Variants in WDR90 observed in about 807,000 individuals in gnomAD.
The protein encoded by WDR90 is WD repeat-containing protein 90.
Under a neutral mutation model 195.2 loss-of-function variants are expected in WDR90, and 238 were observed. The ratio of observed to expected loss-of-function variants is 1.22; its 90% CI spans 1.10 to 1.36. The LOEUF is 1.36. Among genes scored for constraint, WDR90 ranks in the 40% most tolerant of loss-of-function variants. WDR90 has a pLI of 0.00. For synonymous variants in WDR90, 1,265 were observed against 1,052.4 expected (o/e 1.20, Z -3.91); for missense variants, 2,734 against 2,439.5 (o/e 1.12, Z -2.54).
chr16:661,010 CCCCCCG>C lies in WDR90; in HGVS notation c.3392-40_3392-35del, dbSNP rs1567220674. The C allele has an allele frequency of 3.5e-3, 448 of 126,712 alleles. 46 individuals carry two copies. Among genetic ancestry groups the C allele is most frequent in the East Asian group, 0.02 (15 of 746 alleles). The allele number at this position is 126,712 out of a possible 1,614,324, so 7.8% of individuals were successfully genotyped here. A position where few individuals can be genotyped will look rare whatever the true frequency, so the allele number is the denominator to read the frequency against. On this transcript the variant is annotated intron_variant, in intron 28 of 40. Transcript: ENST00000293879. Reference sequence around the variant, plus strand: ...CCCAGGCCCCTCCCCGCCCCCCCCCCCCCCCGGCCCGGCCTCAGGCCCCGCCCTCTC... The same window carrying C: ...CCCAGGCCCCTCCCCGCCCCCCCCCCGCCCGGCCTCAGGCCCCGCCCTCTC...
chr16:665,576 C>G (rs1256861414), intron 34 of WDR90, 103 bp from the exon 35 acceptor site: 2 of 1,584,568 alleles, frequency 1.3e-6, no homozygotes, highest in Non-Finnish European at 1.7e-6. Flanking sequence ...GGCACATGCT[C>G]TGGTTTGGAC....
rs1171706925 is a variant in WDR90, at chr16:665,798, C to T, written c.4431C>T (p.Asn1477=). The T allele has an allele frequency of 1.3e-6, 2 of 1,586,874 alleles. No individual in the cohort carries two copies. The highest frequency in any genetic ancestry group is 2.3e-5 in the South Asian group (2 of 88,240). ...MELVIQFQVL[N]QSCLCLAWSP... is the part of the protein sequence containing the mutation. Reference sequence around the variant, plus strand: ...TTGTGATCCAGTTCCAGGTGCTGAACCAGGTGTGTGGGGAGTGCCCGGGCC... The same window carrying T: ...TTGTGATCCAGTTCCAGGTGCTGAATCAGGTGTGTGGGGAGTGCCCGGGCC... The change falls in exon 35 of 41, where the codon AAC becomes AAT. Residue 1477 remains asparagine, a synonymous_variant. Coordinates refer to ENST00000293879, the MANE Select transcript of WDR90 (RefSeq NM_145294.5).
At position 661,764 on chromosome 16, in the gene WDR90, C is replaced by T. The variant is rs529912139; in HGVS notation, c.3841C>T (p.Arg1281Cys). The T allele has an allele frequency of 4.4e-6, 7 of 1,605,586 alleles. No homozygotes were observed. The highest frequency in any genetic ancestry group is 2.2e-5 in the East Asian group (1 of 44,798). The stretch of plus-strand genomic sequence containing the variant: ...TGTCACCTTCTGGCTCCTTCAGCAG[C>T]GTGGGGCAGACATCAGCCTTCAGGT... ...GTVTFWLLQQ[R>C]GADISLQVRR... The change falls in exon 31 of 41, where the codon CGT becomes TGT. Residue 1281 changes from arginine (R) to cysteine (C), a missense_variant. Coordinates refer to ENST00000293879, the MANE Select transcript of WDR90 (RefSeq NM_145294.5).
chr16:655,076 G>T lies in WDR90; in HGVS notation c.1485G>T (p.Val495=). The T allele has an allele frequency of 1.2e-6, 2 of 1,612,770 alleles. No individual in the cohort carries two copies. The highest frequency in any genetic ancestry group is 1.7e-6 in the Non-Finnish European group (2 of 1,179,868). Residue 495 remains valine, a synonymous_variant, in exon 14 of 41, where the codon GTG becomes GTT. Coordinates refer to ENST00000293879, the MANE Select transcript of WDR90 (RefSeq NM_145294.5). ...GTGQVGLGGE[V]VVLAKAHTDF... ...GCCAGGTGGGCCTCGGTGGCGAGGT[G>T]GTCGTTCTGGCAAAGGCGCACACTG...
At position 650,806 on chromosome 16, in the gene WDR90, G is replaced by A. The variant is rs931753773; in HGVS notation, c.559+97G>A. ...GGGTGCTTGGGAAAATACAGTGCTCGAGCTGTGCTGTCTCTGAGCTCTGGC... is the reference window on the plus strand; with the variant it reads ...GGGTGCTTGGGAAAATACAGTGCTCAAGCTGTGCTGTCTCTGAGCTCTGGC... On this transcript the variant is annotated intron_variant, in intron 5 of 40. Coordinates refer to ENST00000293879, the MANE Select transcript of WDR90 (RefSeq NM_145294.5). 2.6e-5 allele frequency: 39 copies of A among 1,522,086 alleles called. No individual in the cohort carries two copies. The African/African-American group carries it at 3.4e-4, about 13-fold the overall frequency. 94.3% of individuals were successfully genotyped at this position (1,522,086 alleles called of 1,614,324 possible). A position where few individuals can be genotyped will look rare whatever the true frequency, so the allele number is the denominator to read the frequency against.
At position 658,192 on chromosome 16, in the gene WDR90, G is replaced by T. The variant is rs781050249; in HGVS notation, c.2614G>T (p.Val872Phe). Residue 872 changes from valine (V) to phenylalanine (F), a missense_variant, in exon 22 of 41, where the codon GTT (valine) becomes TTT (phenylalanine). Val to Phe is a conservative substitution (Grantham distance 50, BLOSUM62 -1). Coordinates refer to ENST00000293879, the MANE Select transcript of WDR90 (RefSeq NM_145294.5). ...GSASLDELLR[V>F]DIGTLDLASS... ...TTACCACTACCCCCAGCTGCTGCGA[G>T]TTGACATCGGCACTCTGGACCTGGC... 1.2e-6 allele frequency: 2 copies of T among 1,608,730 alleles called. No individual in the cohort carries two copies. Among genetic ancestry groups the T allele is most frequent in the African/African-American group, 2.7e-5 (2 of 74,856 alleles).
rs1378571129 is a variant in WDR90, at chr16:665,991, C to T, written c.4476C>T (p.Arg1492=). 2.5e-6 allele frequency: 4 copies of T among 1,603,160 alleles called. No individual in the cohort carries two copies. Among genetic ancestry groups the T allele is most frequent in the African/African-American group, 1.3e-5 (1 of 74,930 alleles). ...CLAWSPPCCG[R]PEQQRLAAGY... ...CATGGAGCCCCCCGTGCTGTGGCCG[C>T]CCTGAGCAGCAGCGGCTAGCGGCTG... is the stretch of plus-strand genomic sequence containing the variant. Residue 1492 remains arginine (R), a synonymous_variant, in exon 36 of 41, where the codon CGC becomes CGT. Coordinates refer to ENST00000293879, the MANE Select transcript of WDR90 (RefSeq NM_145294.5).
In WDR90 at chr16:650,063, A is replaced by G; in HGVS notation, c.175A>G (p.Lys59Glu). ...TGCCGCCAACTACATCCAGCTCCCT[A>G]AGAGCAGCACCCAGTCTCTGGGGCT... is the stretch of plus-strand genomic sequence containing the variant. Reference protein sequence around the residue: ...VSAANYIQLPKSSTQSLGLTG... With the variant: ...VSAANYIQLPESSTQSLGLTG... The change falls in exon 3 of 41, where the codon AAG (lysine) becomes GAG (glutamate). Residue 59 changes from lysine (K) to glutamate (E), a missense_variant. Physicochemically the swap from Lys to Glu is moderately conservative, Grantham distance 56. Transcript: ENST00000293879. 1 of 1,612,922 alleles carries G rather than the reference A, an allele frequency of 6.2e-7. No individual in the cohort carries two copies. The highest frequency in any genetic ancestry group is 8.5e-7 in the Non-Finnish European group (1 of 1,179,972).
chr16:658,180 C>T lies in WDR90; in HGVS notation c.2605-3C>T, dbSNP rs757999212. Reference sequence around the variant, plus strand: ...ACTGTCGGCCACTTACCACTACCCCCAGCTGCTGCGAGTTGACATCGGCAC... The same window carrying T: ...ACTGTCGGCCACTTACCACTACCCCTAGCTGCTGCGAGTTGACATCGGCAC... On this transcript the variant is annotated splice_polypyrimidine_tract_variant and splice_region_variant and intron_variant, in intron 21 of 40. Transcript: ENST00000293879. The T allele has an allele frequency of 3.7e-6, 6 of 1,607,060 alleles. No homozygotes were observed. The highest frequency in any genetic ancestry group is 3.3e-5 in the Admixed American group (2 of 59,848).
At position 655,304 on chromosome 16, in the gene WDR90, C is replaced by T. The variant is rs112083138; in HGVS notation, c.1557-3C>T. 29 of 1,607,106 alleles carry T rather than the reference C, an allele frequency of 1.8e-5. No individual in the cohort carries two copies. In the African/African-American group the frequency reaches 2.5e-4, roughly 14 times the overall value. On this transcript the variant is annotated splice_polypyrimidine_tract_variant and splice_region_variant and intron_variant, in intron 14 of 40. Transcript: ENST00000293879. ...GGCAGTGCTCAGTCCTCATTCCTTG[C>T]AGGATGGCGTCGTGCGGGCAGGGCA...
At chr16:651,426 G>A (rs2037644924) in intron 7 of WDR90, among the ~76,000 whole-genome samples, 160 bp downstream of exon 7, 1 of 152,144 alleles carries the variant, frequency 6.6e-6, no homozygotes, top group Admixed American at 6.5e-5. Context: ...CCAGAACCAC[G>A]AGGGTGGGAA....
Position 658,898 on chromosome 16 carries a change from G to A in WDR90, c.2898G>A (p.Val966=), listed in dbSNP as rs935670613. Residue 966 remains valine, a splice_region_variant and synonymous_variant, in exon 24 of 41, where the codon GTG becomes GTA. Transcript: ENST00000293879. ...YATQASPGPQ[V]YIGHSEPVQA... ...GCATGTGACGCCGCTACCCCTAGGTGTACATCGGCCACTCGGAACCCGTGC... is the reference window on the plus strand; with the variant it reads ...GCATGTGACGCCGCTACCCCTAGGTATACATCGGCCACTCGGAACCCGTGC... 6.8e-6 allele frequency: 11 copies of A among 1,611,618 alleles called. No individual in the cohort carries two copies. Among genetic ancestry groups the A allele is most frequent in the Non-Finnish European group, 9.3e-6 (11 of 1,179,960 alleles).
chr16:657,335 T>C (rs375279050), intron 20 of WDR90, 114 bp downstream of exon 20: 1 of 1,413,854 alleles, frequency 7.1e-7, no homozygotes, highest in African/African-American at 1.4e-5. Flanking sequence ...GACTGGGTCC[T>C]GTGGGGGGGC....
chr16:662,347 C>G lies in WDR90; in HGVS notation c.4145+16C>G. On this transcript the variant is annotated intron_variant, in intron 33 of 40. Transcript: ENST00000293879. ...CAGGCGCCAGGTGAGCTGTTCACCC[C>G]TACGTGTTTTGGCTGCACGTGGGTG... The G allele has an allele frequency of 6.5e-7, 1 of 1,550,256 alleles. No individual in the cohort carries two copies. Among genetic ancestry groups the G allele is most frequent in the South Asian group, 1.2e-5 (1 of 84,540 alleles).
At chr16:657,020 TG>T (rs2037770212) in intron 19 of WDR90, 70 bp from the exon 20 acceptor site, 1 of 1,572,208 alleles carries the variant, frequency 6.4e-7, no homozygotes, top group Non-Finnish European at 8.6e-7. Flanking sequence ...GCTGGTTGGC[TG>T]GAGGTCGAGG....
At chr16:656,259 C>T (rs755963985) in intron 17 of WDR90, 43 bp from the exon 18 acceptor site, 1 of 1,565,960 alleles carries the variant, frequency 6.4e-7, no homozygotes, top group Middle Eastern at 2.3e-4. Flanking sequence ...TGCGGCTCAC[C>T]CCGGGGTGGC....
rs776399349 is a variant in WDR90, at chr16:655,628, G to A, written c.1774G>A (p.Val592Met). The A allele has an allele frequency of 4.4e-6, 7 of 1,608,792 alleles. No homozygotes were observed. Among genetic ancestry groups the A allele is most frequent in the Non-Finnish European group, 5.9e-6 (7 of 1,177,892 alleles). The change falls in exon 16 of 41, where the codon GTG (valine) becomes ATG (methionine). Residue 592 changes from valine to methionine, a missense_variant. By Grantham distance (21) the Val-to-Met change is conservative. Transcript: ENST00000293879. ...ILEIDCQRMVVRHARRLLPTR... is the reference protein window; with the variant it reads ...ILEIDCQRMVMRHARRLLPTR... ...GGAGATTGACTGTCAGCGCATGGTC[G>A]TGCGGCATGCCCGCCGCCTGCTCCC...
Position 649,768 on chromosome 16 carries a change from C to T in WDR90, c.16C>T (p.Gln6Ter). The change falls in exon 2 of 41, where the codon CAG becomes TAG. Residue 6 changes from glutamine (Q) to a stop codon, truncating the protein, a stop_gained. Coordinates refer to ENST00000293879, the MANE Select transcript of WDR90 (RefSeq NM_145294.5). LOFTEE classifies it high-confidence loss of function. ...CCGGCGCCCGCTCCCCGCAGCGTGG[C>T]AGCACCCGTTCCTCAACGTCTTCAG... MARAW[Q>*]HPFLNVFRHF... is the part of the protein sequence containing the mutation. 1 of 1,558,684 alleles carries T rather than the reference C, an allele frequency of 6.4e-7. No homozygotes were observed. Among genetic ancestry groups the T allele is most frequent in the South Asian group, 1.2e-5 (1 of 84,998 alleles).
In WDR90 at chr16:661,605, G is replaced by A. The variant is rs368536076; in HGVS notation, c.3682G>A (p.Asp1228Asn). The change falls in exon 31 of 41, where the codon GAT becomes AAT. Residue 1228 changes from aspartate (D) to asparagine (N), a missense_variant. Physicochemically the swap from Asp to Asn is conservative, Grantham distance 23. Transcript: ENST00000293879. ...DRLLVTLGDH[D>N]GRTLALWGTA... ...CTCTGTGTCCTTCCCAGGGGACCAC[G>A]ATGGCCGCACCCTCGCCCTGTGGGG... 22 of 1,589,662 alleles carry A rather than the reference G, an allele frequency of 1.4e-5. No homozygotes were observed. Among genetic ancestry groups the A allele is most frequent in the Admixed American group, 5.1e-5 (3 of 58,376 alleles).
Sources: gnomAD v4.1 joint callset for allele counts (sites outside exome capture counted in the v4.1 genomes callset) on GRCh38, gnomAD v4.1.1 for gene constraint, MANE v1.5 for transcripts, NCBI Gene and HGNC (gene_info 2026-07-23, HGNC 2026-07-21) for gene names.